Variants in INTS11 observed in about 807,000 individuals in gnomAD.
INTS11 encodes the protein CPSF3-like protein.
Under a neutral mutation model 78.6 loss-of-function variants are expected in INTS11, and 77 were observed. The observed-to-expected ratio is 0.98, with a 90% CI of 0.81 to 1.18. The LOEUF is 1.18. Ranked by LOEUF, INTS11 falls within the 50% of genes most tolerant of loss-of-function variation. The pLI, the probability that INTS11 is intolerant of heterozygous loss-of-function variation, is 0.00. For synonymous variants in INTS11, 441 were observed against 326.9 expected, an observed-to-expected ratio of 1.35 and a Z score of -3.77; for missense variants, 875 against 825.9, an observed-to-expected ratio of 1.06 and a Z score of -0.73.
At chr1:1,321,909 T>TC in intron 1 of INTS11, 1 of 273,966 alleles carries the variant, frequency 3.7e-6, no homozygotes, top group Non-Finnish European at 5.8e-6. Context: ...CCCACCCACC[T>TC]CCCCCTGCCA....
intron 4 of INTS11, chr1:1,318,780 C>T (rs575928295): frequency 2.7e-5 from 15 of 551,150 alleles, no homozygotes; most frequent in African/African-American, 2.7e-4. Context: ...AAAAGCAATA[C>T]CCAGAGATTC....
intron 4 of INTS11, chr1:1,318,615 A>T: frequency 2.7e-6 from 1 of 367,336 alleles, no homozygotes; most frequent in Non-Finnish European, 4.9e-6. Flanking sequence ...CCAAGATCAC[A>T]CTCCAGCCTG....
At chr1:1,315,003 C>T in intron 6 of INTS11, 41 bp from the exon 7 acceptor site, 2 of 1,597,554 alleles carry the variant, frequency 1.3e-6, no homozygotes, top group South Asian at 1.1e-5. Flanking sequence ...GATGCACTGT[C>T]CCCACGGTTG....
chr1:1,314,123 G>A lies in INTS11; in HGVS notation c.767+178C>T, dbSNP rs1182615209. On this transcript the variant is annotated intron_variant, in intron 8 of 16. Transcript: ENST00000435064. This position sits in a 1 kb window ranked among gnomAD's most constrained non-coding sequence, Gnocchi z 4.2. ...AGGAACCCCTACAAGAGCCGCACAC[G>A]GTGGCGCTGACGGGATGTCACAGGC... The A allele has an allele frequency of 4.4e-5, 34 of 768,826 alleles. No homozygotes were observed. The highest frequency in any genetic ancestry group is 2.4e-4 in the East Asian group (9 of 37,172). The allele number at this position is 768,826 out of a possible 1,614,324, so 47.6% of individuals were successfully genotyped here.
At position 1,312,952 on chromosome 1, in the gene INTS11, A is replaced by G. The variant is rs2100566937; in HGVS notation, c.1132-3T>C. The G allele has an allele frequency of 6.2e-7, 1 of 1,611,590 alleles. No homozygotes were observed. The highest frequency in any genetic ancestry group is 8.5e-7 in the Non-Finnish European group (1 of 1,179,056). ...TCCACCTGCATCTTGACCTCCAGCT[A>G]CAGAGGCCACGGGGCGTGGACAGTG... On this transcript the variant is annotated splice_region_variant and splice_polypyrimidine_tract_variant and intron_variant, in intron 11 of 16. Transcript: ENST00000435064.
chr1:1,322,249 A>G (rs1025678264), intron 1 of INTS11, among the ~76,000 whole-genome samples: 6 of 151,796 alleles, frequency 4.0e-5, no homozygotes, highest in African/African-American at 1.5e-4. Flanking sequence ...TCCAAAGCCC[A>G]GTCCTGAAGT....
At chr1:1,323,390 A>G (rs1430095601) in intron 1 of INTS11, 10 of 1,308,118 alleles carry the variant, frequency 7.6e-6, no homozygotes, top group African/African-American at 3.0e-5. Flanking sequence ...CCTTCTTCAC[A>G]TCGTTCTATA....
rs758735561 is a variant in INTS11 at position 1,314,345 on chromosome 1, C to A, written c.723G>T (p.Ala241=). ...TGCAGAGCTCCTGGGCGCGGCCCAGCGCGAACACAGGTATCAGCACCTGAG... is the reference window on the plus strand; with the variant it reads ...TGCAGAGCTCCTGGGCGCGGCCCAGAGCGAACACAGGTATCAGCACCTGAG... ...RGGKVLIPVF[A]LGRAQELCIL... Residue 241 remains alanine, a synonymous_variant, in exon 8 of 17, where the codon GCG becomes GCT. Transcript: ENST00000435064. This position sits in a 1 kb window ranked among gnomAD's most constrained non-coding sequence, Gnocchi z 4.2. 4 of 1,607,522 alleles carry A rather than the reference C, an allele frequency of 2.5e-6. No individual in the cohort carries two copies. Among genetic ancestry groups the A allele is most frequent in the South Asian group, 2.2e-5 (2 of 90,088 alleles).
At position 1,311,944 on chromosome 1, in the gene INTS11, A is replaced by G. The variant is rs771094080; in HGVS notation, c.1738-20T>C. ...CTCGTCCTAGGGCAGAGGCAAAAGC[A>G]TTGTGGGTGGTGCAGGACAGGGAGG... On this transcript the variant is annotated intron_variant, in intron 16 of 16. Transcript: ENST00000435064. 19 of 1,585,872 alleles carry G rather than the reference A, an allele frequency of 1.2e-5. No homozygotes were observed. The highest frequency in any genetic ancestry group is 5.4e-5 in the African/African-American group (4 of 73,800).
intron 4 of INTS11, chr1:1,317,751 CGTT>C (rs1642704710): frequency 1.3e-5 from 2 of 152,074 alleles, no homozygotes; most frequent in African/African-American, 4.8e-5. Flanking sequence ...AGAGACAGAA[CGTT>C]GTTTGCAAAG....
At chr1:1,324,147 G>C (rs1424090176) in intron 1 of INTS11, among the ~76,000 whole-genome samples, 1 of 9,662 alleles carries the variant, frequency 1.0e-4, no homozygotes. Context: ...TGGGGGGCTG[G>C]GGGGCTGAGG....
chr1:1,313,929 C>T lies in INTS11; in HGVS notation c.768-8G>A. On this transcript the variant is annotated splice_polypyrimidine_tract_variant and splice_region_variant and intron_variant, in intron 8 of 16. Coordinates refer to ENST00000435064, the MANE Select transcript of INTS11 (RefSeq NM_017871.6). ...TTCAGGTTCATGCGCTCCCTGGGGA[C>T]CACCGGCCCAGTCAGCACAGTGGCC... The T allele has an allele frequency of 6.2e-7, 1 of 1,610,214 alleles. No individual in the cohort carries two copies. The highest frequency in any genetic ancestry group is 1.1e-5 in the South Asian group (1 of 90,998).
At position 1,324,621 on chromosome 1, in the gene INTS11, G is replaced by C. The variant is rs756604940; in HGVS notation, c.-13C>G. On this transcript the variant is annotated 5_prime_UTR_variant, in exon 1 of 17. Coordinates refer to ENST00000435064, the MANE Select transcript of INTS11 (RefSeq NM_017871.6). ...TGATCTCAGGCATCGTCTCCGCCGC[G>C]CTCCCGGACCCGCGAGGCCCGCCTG... 2 of 1,598,690 alleles carry C rather than the reference G, an allele frequency of 1.3e-6. No homozygotes were observed. Among genetic ancestry groups the C allele is most frequent in the African/African-American group, 1.4e-5 (1 of 72,470 alleles).
Position 1,314,484 on chromosome 1 carries a change from C to A in INTS11, c.703-119G>T. ...CGGCCTCATAGGGACCTTAGCCTCT[C>A]ATCTGCTCCCAGTCCCGTCCCAGCC... On this transcript the variant is annotated intron_variant, in intron 7 of 16. Transcript: ENST00000435064. The surrounding 1 kb of genome is among the most constrained non-coding windows in gnomAD (Gnocchi z 4.2). 1.2e-6 allele frequency: 1 copy of A among 861,720 alleles called. No homozygotes were observed. The highest frequency in any genetic ancestry group is 1.8e-6 in the Non-Finnish European group (1 of 561,180). The allele number at this position is 861,720 out of a possible 1,614,324, so 53.4% of individuals were successfully genotyped here.
intron 1 of INTS11, among the ~76,000 whole-genome samples, 170 bp from the exon 2 acceptor site, chr1:1,321,263 G>C (rs1642931249): frequency 1.3e-5 from 2 of 152,196 alleles, no homozygotes; most frequent in Non-Finnish European, 2.9e-5. Context: ...GGGGGACACA[G>C]GGGACCATGC....
chr1:1,312,550 G>C, intron 13 of INTS11, 43 bp downstream of exon 13: 1 of 1,579,620 alleles, frequency 6.3e-7, no homozygotes. Flanking sequence ...GCTCCCAGCC[G>C]CCTGCCCCGA....
At chr1:1,323,888 TTGCGGGGTTAAGGGGCTTGGGGGCTGG>T (rs1643123858) in intron 1 of INTS11, among the ~76,000 whole-genome samples, 1 of 12,878 alleles carries the variant, frequency 7.8e-5, no homozygotes, top group Admixed American at 9.7e-4. Context: ...GCTGAGGGGC[TTGCGGGGTTAAGGGGCTTGGGGGCTGG>T]GGGACTGGGG....
At position 1,311,923 on chromosome 1, in the gene INTS11, T is replaced by G. The variant is rs377117800; in HGVS notation, c.1739A>C (p.Asp580Ala). ...KVLLVSWTYQ[D>A]EELGSFLTSL... Reference sequence around the variant, plus strand: ...TGTGAGGAAGCTCCCCAGCTCCTCGTCCTAGGGCAGAGGCAAAAGCATTGT... The same window carrying G: ...TGTGAGGAAGCTCCCCAGCTCCTCGGCCTAGGGCAGAGGCAAAAGCATTGT... The change falls in exon 17 of 17, where the codon GAC (aspartate) becomes GCC (alanine). Residue 580 changes from aspartate (D) to alanine (A), a missense_variant and splice_region_variant. Asp to Ala is a moderately radical substitution (Grantham distance 126). Coordinates refer to ENST00000435064, the MANE Select transcript of INTS11 (RefSeq NM_017871.6). 67 of 1,581,456 alleles carry G rather than the reference T, an allele frequency of 4.2e-5. No homozygotes were observed. Among genetic ancestry groups the G allele is most frequent in the Non-Finnish European group, 5.5e-5 (64 of 1,161,828 alleles).
Position 1,314,791 on chromosome 1 carries a change from GAGGGC to G in INTS11, c.702+28_702+32del. ...CCAGAAAGACCAGCCCAGCATGGCC[GAGGGC>G]CCATGTCCCCACCCCTGCTGCAGCT... On this transcript the variant is annotated intron_variant, in intron 7 of 16. Transcript: ENST00000435064. The surrounding 1 kb of genome is among the most constrained non-coding windows in gnomAD (Gnocchi z 4.2). 6.3e-7 allele frequency: 1 copy of G among 1,595,622 alleles called. No homozygotes were observed. Among genetic ancestry groups the G allele is most frequent in the East Asian group, 2.3e-5 (1 of 44,444 alleles).
Sources: gnomAD v4.1 joint callset for allele counts (sites outside exome capture counted in the v4.1 genomes callset) on GRCh38, gnomAD v4.1.1 for gene constraint, Gnocchi (gnomAD v3.1) non-coding constraint, MANE v1.5 for transcripts, NCBI Gene and HGNC (gene_info 2026-07-23, HGNC 2026-07-21) for gene names.